Variants in ULK4 observed in about 807,000 individuals in gnomAD.
The protein encoded by ULK4 is unc-51 like kinase 4.
ULK4 carries 133 observed loss-of-function variants against 160.6 expected under a neutral mutation model. That is an observed-to-expected ratio of 0.83 (90% confidence interval 0.72 to 0.96). ULK4 has a LOEUF of 0.96. Among genes scored for constraint, ULK4 ranks in the 40% least tolerant of loss-of-function variants. The pLI is 0.00. For synonymous variants in ULK4, 534 were observed against 539.8 expected (o/e 0.99, Z 0.15); for missense variants, 1,580 against 1,499.5 (o/e 1.05, Z -0.89).
chr3:41,318,736 T>C (rs1559521990), intron 35 of ULK4, among the ~76,000 whole-genome samples: 1 of 152,190 alleles, frequency 6.6e-6, no homozygotes, highest in Admixed American at 6.5e-5. Context: ...ATAGGCAGTG[T>C]GTGGTCTGTG....
At chr3:41,897,104 G>C in intron 14 of ULK4, 101 bp from the exon 15 acceptor site, 1 of 1,089,744 alleles carries the variant, frequency 9.2e-7, no homozygotes, top group African/African-American at 1.6e-5. Flanking sequence ...GCTAAGATGA[G>C]GACAAACATT....
chr3:41,450,656 C>G (rs1427996271), intron 34 of ULK4, among the ~76,000 whole-genome samples: 1 of 152,194 alleles, frequency 6.6e-6, no homozygotes, highest in Non-Finnish European at 1.5e-5. Flanking sequence ...TACGGGAAAG[C>G]AATTCCAGCA....
At chr3:41,424,831 C>CAAAAAAAAAAAAAA (rs36097613) in intron 34 of ULK4, among the ~76,000 whole-genome samples, 1 of 62,402 alleles carries the variant, frequency 1.6e-5, no homozygotes, top group Non-Finnish European at 2.9e-5. Flanking sequence ...AAGAAATCAT[C>CAAAAAAAAAAAAAA]AAAAAAAAAA....
At chr3:41,383,966 A>C (rs1451363294) in intron 35 of ULK4, among the ~76,000 whole-genome samples, 1 of 152,140 alleles carries the variant, frequency 6.6e-6, no homozygotes, top group East Asian at 1.9e-4. Context: ...ATATTATCAA[A>C]ATTTTATAGT....
chr3:41,380,220 C>T (rs2081617034), intron 35 of ULK4, among the ~76,000 whole-genome samples: 1 of 151,942 alleles, frequency 6.6e-6, no homozygotes, highest in Non-Finnish European at 1.5e-5. Flanking sequence ...ACAGGCAATT[C>T]AAAAGGGAAT....
At chr3:41,605,978 T>G (rs2032364541) in intron 31 of ULK4, among the ~76,000 whole-genome samples, 1 of 152,014 alleles carries the variant, frequency 6.6e-6, no homozygotes, top group African/African-American at 2.4e-5. Context: ...GGAAACTAAG[T>G]AACACTTCTA....
chr3:41,389,471 C>T (rs1287943300), intron 35 of ULK4, among the ~76,000 whole-genome samples: 9 of 152,232 alleles, frequency 5.9e-5, no homozygotes, highest in Non-Finnish European at 8.8e-5. Flanking sequence ...GGAATGCTTC[C>T]AGTTTTTGCC....
chr3:41,820,227 C>T (rs576898648), intron 18 of ULK4, among the ~76,000 whole-genome samples: 4 of 152,126 alleles, frequency 2.6e-5, no homozygotes, highest in African/African-American at 9.7e-5. Flanking sequence ...TATTAATTTA[C>T]TTCAGCTACT....
intron 31 of ULK4, among the ~76,000 whole-genome samples, chr3:41,578,874 G>A (rs148812578): frequency 3.7e-4 from 57 of 152,312 alleles, no homozygotes; most frequent in African/African-American, 1.2e-3. Context: ...AATTTCCAAA[G>A]TCCAGAAGAG....
intron 31 of ULK4, among the ~76,000 whole-genome samples, chr3:41,600,553 T>C (rs138196417): frequency 5.3e-5 from 8 of 152,212 alleles, no homozygotes; most frequent in African/African-American, 1.9e-4. Flanking sequence ...ATGGCAAGTA[T>C]GCACTGCAGC....
chr3:41,879,413 G>T (rs1306324559), intron 17 of ULK4, among the ~76,000 whole-genome samples: 13 of 152,090 alleles, frequency 8.5e-5, no homozygotes, highest in Non-Finnish European at 1.3e-4. Flanking sequence ...AACAAGATTA[G>T]CCAGTGTTGA....
chr3:41,700,228 C>T (rs1015264361), intron 27 of ULK4, among the ~76,000 whole-genome samples: 5 of 152,032 alleles, frequency 3.3e-5, no homozygotes, highest in Admixed American at 1.3e-4. Context: ...TGATGAAAAC[C>T]GGAGGCAGAG....
chr3:41,524,755 T>C (rs962606081), intron 32 of ULK4, among the ~76,000 whole-genome samples: 3 of 151,944 alleles, frequency 2.0e-5, no homozygotes. Context: ...CTGGCCAACA[T>C]GGTGAAATCC....
chr3:41,700,404 T>A (rs6781095), intron 27 of ULK4, among the ~76,000 whole-genome samples: 1 of 151,962 alleles, frequency 6.6e-6, no homozygotes, highest in African/African-American at 2.4e-5. Context: ...TTATACTCTC[T>A]AAGTAAGGAA....
intron 32 of ULK4, among the ~76,000 whole-genome samples, chr3:41,529,263 T>G (rs759812445): frequency 3.9e-5 from 6 of 152,108 alleles, no homozygotes; most frequent in Non-Finnish European, 7.4e-5. Context: ...ACGAGAAAAA[T>G]TTCTAAAAGT....
In ULK4 at chr3:41,372,521, T is replaced by A. The variant is rs193141343; in HGVS notation, c.3678+25558A>T. ...TTCTTAAAGAATTTTCAACCCAGAA[T>A]TTCATATCCAGCCAAACTAAGCTTC... On this transcript the variant is annotated intron_variant, in intron 35 of 36. Coordinates refer to ENST00000301831, the MANE Select transcript of ULK4 (RefSeq NM_017886.4). Among the ~76,000 whole-genome samples, 118 of 152,264 alleles carry A rather than the reference T, an allele frequency of 7.7e-4. No individual in the cohort carries two copies. In the East Asian group the frequency reaches 0.01, roughly 13 times the overall value.
intron 32 of ULK4, among the ~76,000 whole-genome samples, chr3:41,464,089 T>G (rs983476286): frequency 2.6e-5 from 4 of 151,858 alleles, no homozygotes; most frequent in South Asian, 2.1e-4. Context: ...AAGTCTGATG[T>G]GTATTAAAAG....
chr3:41,561,701 G>T (rs887202260), intron 32 of ULK4, among the ~76,000 whole-genome samples: 4 of 152,072 alleles, frequency 2.6e-5, no homozygotes, highest in Admixed American at 2.6e-4. Flanking sequence ...TGGGATTGGT[G>T]GTGATATCCT....
At chr3:41,476,522 CTCTT>C in intron 32 of ULK4, among the ~76,000 whole-genome samples, 1 of 152,236 alleles carries the variant, frequency 6.6e-6, no homozygotes, top group East Asian at 1.9e-4. Flanking sequence ...GGGTGTGTGG[CTCTT>C]TCTGTCTTCA....
Sources: allele counts gnomAD v4.1 joint callset (sites outside exome capture counted in the v4.1 genomes callset), GRCh38; gene constraint gnomAD v4.1.1; transcripts MANE v1.5; gene names NCBI Gene and HGNC (gene_info 2026-07-23, HGNC 2026-07-21).